Variants in IKZF2 observed in about 807,000 individuals in gnomAD.
IKZF2 encodes zinc finger protein Helios.
IKZF2 carries 15 observed loss-of-function variants against 49.2 expected under a neutral mutation model. That is an observed-to-expected ratio of 0.30 (90% CI 0.20 to 0.47). The LOEUF (loss-of-function observed/expected upper bound fraction) is 0.47. Among genes scored for constraint, IKZF2 ranks in the 20% least tolerant of loss-of-function variants. IKZF2 has a pLI of 1.00. For missense variants in IKZF2, 567 were observed against 664.6 expected (o/e 0.85, Z 1.61); for synonymous variants, 227 against 221.4 (o/e 1.03, Z -0.23).
At chr2:213,084,852 C>G (rs1704389207) in intron 4 of IKZF2, among the ~76,000 whole-genome samples, 1 of 152,116 alleles carries the variant, frequency 6.6e-6, no homozygotes, top group South Asian at 2.1e-4. Flanking sequence ...CATTGGATGT[C>G]CTCATTTGTC....
chr2:213,152,356 C>T (rs1575022733), upstream of IKZF2: 1 of 152,284 alleles, frequency 6.6e-6, no homozygotes, highest in Admixed American at 6.5e-5. Flanking sequence ...TCGGAAAGCG[C>T]ACCGCATTGA....
At chr2:213,115,544 A>C (rs546062839) in intron 4 of IKZF2, among the ~76,000 whole-genome samples, 1 of 152,236 alleles carries the variant, frequency 6.6e-6, no homozygotes. Flanking sequence ...CAGCCTGTCC[A>C]TCAACTTCAG....
chr2:213,083,319 C>T (rs932121280), intron 4 of IKZF2, among the ~76,000 whole-genome samples: 1 of 150,788 alleles, frequency 6.6e-6, no homozygotes, highest in East Asian at 1.9e-4. Flanking sequence ...ATCTCTCATA[C>T]TACTGCTTGA....
At chr2:213,066,557 G>C (rs1285730109) in intron 4 of IKZF2, among the ~76,000 whole-genome samples, 3 of 152,072 alleles carry the variant, frequency 2.0e-5, no homozygotes, top group Non-Finnish European at 2.9e-5. Context: ...TCAGATGCAG[G>C]ATTGGTCAGT....
At chr2:213,132,581 T>G (rs2060509533) in intron 4 of IKZF2, among the ~76,000 whole-genome samples, 1 of 152,162 alleles carries the variant, frequency 6.6e-6, no homozygotes, top group African/African-American at 2.4e-5. Context: ...ATATAACACA[T>G]AGAGCACCAT....
At chr2:213,128,547 G>A (rs2060345819) in intron 4 of IKZF2, among the ~76,000 whole-genome samples, 1 of 152,060 alleles carries the variant, frequency 6.6e-6, no homozygotes, top group Non-Finnish European at 1.5e-5. Context: ...TACTTCTACA[G>A]GGCCTCACCC....
chr2:213,075,988 A>C (rs1170972629), intron 4 of IKZF2, among the ~76,000 whole-genome samples: 1 of 152,204 alleles, frequency 6.6e-6, no homozygotes, highest in Non-Finnish European at 1.5e-5. Flanking sequence ...AGAGCAGATA[A>C]GGCATCACAG....
At chr2:213,055,671 G>A (rs891749343) in intron 5 of IKZF2, among the ~76,000 whole-genome samples, 4 of 151,870 alleles carry the variant, frequency 2.6e-5, no homozygotes, top group African/African-American at 7.3e-5. Context: ...AAACCAGTAT[G>A]GGCATCAGAA....
intron 6 of IKZF2, among the ~76,000 whole-genome samples, chr2:213,034,163 T>C (rs1349229430): frequency 6.6e-6 from 1 of 152,236 alleles, no homozygotes; most frequent in African/African-American, 2.4e-5. Flanking sequence ...ATTGTTAGGG[T>C]CTTCCTCAGG....
At chr2:213,151,295 C>T (rs753417311) in intron 1 of IKZF2, 118 bp downstream of exon 1, 1 of 152,106 alleles carries the variant, frequency 6.6e-6, no homozygotes, top group African/African-American at 2.4e-5. Context: ...TATAATTACA[C>T]TTAACTTTGA....
chr2:213,149,010 C>G (rs1262674865), intron 2 of IKZF2, among the ~76,000 whole-genome samples: 1 of 152,226 alleles, frequency 6.6e-6, no homozygotes, highest in African/African-American at 2.4e-5. Context: ...CACAATCACA[C>G]TGCAGTTTGA....
intron 4 of IKZF2, among the ~76,000 whole-genome samples, chr2:213,081,976 G>A (rs1171743973): frequency 6.6e-6 from 1 of 152,044 alleles, no homozygotes; most frequent in Non-Finnish European, 1.5e-5. Context: ...GTTTAAATAA[G>A]AACTAAACTA....
chr2:213,027,616 T>TC (rs1697958994), intron 6 of IKZF2, among the ~76,000 whole-genome samples: 1 of 151,826 alleles, frequency 6.6e-6, no homozygotes, highest in Non-Finnish European at 1.5e-5. Flanking sequence ...CTTTCCTTTG[T>TC]CCCCCTCATG....
At chr2:213,127,932 T>A (rs2060323486) in intron 4 of IKZF2, among the ~76,000 whole-genome samples, 1 of 152,106 alleles carries the variant, frequency 6.6e-6, no homozygotes, top group African/African-American at 2.4e-5. Context: ...TAAATTACCA[T>A]GATGATCAAC....
intron 2 of IKZF2, among the ~76,000 whole-genome samples, chr2:213,149,871 C>T (rs749877870): frequency 2.5e-4 from 38 of 151,808 alleles, no homozygotes; most frequent in Non-Finnish European, 4.3e-4. Context: ...AAATTTCAAC[C>T]TGCTGTACTG....
chr2:213,126,285 A>G (rs1394847855), intron 4 of IKZF2, among the ~76,000 whole-genome samples: 1 of 151,816 alleles, frequency 6.6e-6, no homozygotes, highest in Admixed American at 6.6e-5. Flanking sequence ...CACTTTTCCC[A>G]TTTCTTCACA....
intron 4 of IKZF2, among the ~76,000 whole-genome samples, chr2:213,070,362 A>G (rs1702568628): frequency 6.6e-6 from 1 of 152,116 alleles, no homozygotes; most frequent in African/African-American, 2.4e-5. Context: ...ATCCTGAAGA[A>G]TAGCTTTTAC....
At chr2:213,058,685 A>C (rs984587042) in intron 4 of IKZF2, among the ~76,000 whole-genome samples, 2 of 151,834 alleles carry the variant, frequency 1.3e-5, no homozygotes, top group African/African-American at 2.4e-5. Context: ...CCATCTTTAT[A>C]TTGCCAGCAT....
chr2:213,026,802 C>A (rs1398825147), intron 6 of IKZF2, among the ~76,000 whole-genome samples: 2 of 151,998 alleles, frequency 1.3e-5, no homozygotes, highest in Non-Finnish European at 2.9e-5. Context: ...ATATTTTGAA[C>A]ATTTCCCCAT....
Sources: gnomAD v4.1 joint callset for allele counts (sites outside exome capture counted in the v4.1 genomes callset) on GRCh38, gnomAD v4.1.1 for gene constraint, MANE v1.5 for transcripts, NCBI Gene and HGNC (gene_info 2026-07-23, HGNC 2026-07-21) for gene names.